Variants in IQSEC1 observed in about 807,000 individuals in gnomAD.
IQSEC1 encodes IQ motif and SEC7 domain-containing protein 1.
In IQSEC1, 31 loss-of-function variants were observed where a neutral mutation model predicts 91.0. The ratio of observed to expected loss-of-function variants is 0.34; its 90% CI spans 0.26 to 0.46. The LOEUF is 0.46. IQSEC1 is among the 20% of genes least tolerant of loss of function. IQSEC1 has a pLI of 1.00. For synonymous variants in IQSEC1, 699 were observed against 662.6 expected, an observed-to-expected ratio of 1.05 and a Z score of -0.84; for missense variants, 1,388 against 1,575.6, an observed-to-expected ratio of 0.88 and a Z score of 2.02.
At chr3:12,910,254 C>A (rs1385085668) in intron 10 of IQSEC1, among the ~76,000 whole-genome samples, 1 of 152,226 alleles carries the variant, frequency 6.6e-6, no homozygotes, top group African/African-American at 2.4e-5. Flanking sequence ...TTTGAGACCC[C>A]TGGAATGACG....
At chr3:13,274,323 A>G (rs759926686) in intron 1 of IQSEC1, among the ~76,000 whole-genome samples, 23 of 152,232 alleles carry the variant, frequency 1.5e-4, no homozygotes, top group Non-Finnish European at 2.6e-4. Context: ...TCGCAGGGCC[A>G]GCACTCCACA....
At chr3:13,052,724 T>C (rs1229149700) in intron 1 of IQSEC1, among the ~76,000 whole-genome samples, 1 of 152,102 alleles carries the variant, frequency 6.6e-6, no homozygotes, top group African/African-American at 2.4e-5. Context: ...TCCCTTTCTA[T>C]GTTAGCCATT....
intron 1 of IQSEC1, among the ~76,000 whole-genome samples, chr3:13,264,961 TCTGC>T (rs1031965527): frequency 4.6e-5 from 7 of 152,076 alleles, no homozygotes; most frequent in South Asian, 2.1e-4. Flanking sequence ...TGTCTGTCTG[TCTGC>T]CTCTCTTTCT....
chr3:12,999,168 G>A (rs1702329178), intron 1 of IQSEC1, among the ~76,000 whole-genome samples: 1 of 152,180 alleles, frequency 6.6e-6, no homozygotes, highest in African/African-American at 2.4e-5. Flanking sequence ...AGGAAGGCAG[G>A]TGTCCCTTCT....
intron 1 of IQSEC1, among the ~76,000 whole-genome samples, chr3:13,071,484 C>G (rs1705425413): frequency 6.6e-6 from 1 of 152,162 alleles, no homozygotes; most frequent in African/African-American, 2.4e-5. Flanking sequence ...TGGGCCCAGG[C>G]AAAGGTGTGG....
intron 2 of IQSEC1, among the ~76,000 whole-genome samples, chr3:13,098,369 G>C (rs1034389177): frequency 6.6e-6 from 1 of 152,194 alleles, no homozygotes; most frequent in Non-Finnish European, 1.5e-5. Context: ...TACCACAGAG[G>C]AGGCGCCATC....
At chr3:13,264,253 C>T (rs1695444478) in intron 1 of IQSEC1, among the ~76,000 whole-genome samples, 1 of 152,198 alleles carries the variant, frequency 6.6e-6, no homozygotes, top group South Asian at 2.1e-4. Flanking sequence ...TCACAACTTC[C>T]CTCCAAACTT....
intron 1 of IQSEC1, among the ~76,000 whole-genome samples, chr3:13,179,062 T>C (rs1479398925): frequency 6.6e-6 from 1 of 152,184 alleles, no homozygotes; most frequent in Non-Finnish European, 1.5e-5. Context: ...TTGTTACATT[T>C]CCTCCCTGCT....
At chr3:13,108,574 C>A (rs915160610) in intron 2 of IQSEC1, among the ~76,000 whole-genome samples, 5 of 152,088 alleles carry the variant, frequency 3.3e-5, no homozygotes, top group Admixed American at 1.3e-4. Context: ...TGACGAAACA[C>A]CCCCCTACAT....
At chr3:13,194,055 G>A (rs1289267156) in intron 1 of IQSEC1, among the ~76,000 whole-genome samples, 4 of 152,160 alleles carry the variant, frequency 2.6e-5, no homozygotes, top group African/African-American at 9.7e-5. Context: ...CCCTCTGTGT[G>A]TGTCTGTGAC....
At chr3:12,963,825 C>CACA (rs1464115944) in intron 1 of IQSEC1, among the ~76,000 whole-genome samples, 1 of 152,196 alleles carries the variant, frequency 6.6e-6, no homozygotes, top group African/African-American at 2.4e-5. Context: ...TTGTTGTGTG[C>CACA]ATAAAGGAAC....
chr3:13,063,669 G>C (rs1705143408), intron 1 of IQSEC1, among the ~76,000 whole-genome samples: 2 of 152,268 alleles, frequency 1.3e-5, no homozygotes, highest in African/African-American at 4.8e-5. Context: ...GCAGAGCAGG[G>C]TCTGAAACTC....
At chr3:13,204,411 A>G (rs546634956) in intron 1 of IQSEC1, among the ~76,000 whole-genome samples, 55 of 152,382 alleles carry the variant, frequency 3.6e-4, no homozygotes, top group Non-Finnish European at 6.5e-4. Context: ...GAGGTTCGCC[A>G]AGCCTCTTCA....
At chr3:13,102,440 G>A (rs980643409) in intron 2 of IQSEC1, among the ~76,000 whole-genome samples, 5 of 152,092 alleles carry the variant, frequency 3.3e-5, no homozygotes, top group African/African-American at 1.2e-4. Flanking sequence ...ATTAGAGGCT[G>A]GATTTCCTCA....
intron 1 of IQSEC1, among the ~76,000 whole-genome samples, chr3:12,965,875 G>A (rs1459950697): frequency 6.6e-6 from 1 of 152,192 alleles, no homozygotes; most frequent in Non-Finnish European, 1.5e-5. Flanking sequence ...CTAGACTGCT[G>A]GTTCCATGAG....
chr3:12,971,079 G>A (rs1251528123), intron 1 of IQSEC1, among the ~76,000 whole-genome samples: 2 of 152,220 alleles, frequency 1.3e-5, no homozygotes, highest in Non-Finnish European at 2.9e-5. Context: ...TCCATGCTAT[G>A]ATGATGAAGT....
intron 2 of IQSEC1, among the ~76,000 whole-genome samples, chr3:13,090,061 A>C (rs1705811499): frequency 1.5e-5 from 1 of 68,050 alleles, no homozygotes; most frequent in Non-Finnish European, 3.5e-5. Flanking sequence ...TAAAAAATAC[A>C]AAAAATATTA....
chr3:12,923,773 T>C (rs1696852573), intron 4 of IQSEC1, among the ~76,000 whole-genome samples: 1 of 152,220 alleles, frequency 6.6e-6, no homozygotes, highest in Non-Finnish European at 1.5e-5. Context: ...CCCGGGCACC[T>C]TCTCCCCAGC....
chr3:13,084,290 G>A (rs1705698341), intron 2 of IQSEC1, among the ~76,000 whole-genome samples: 1 of 151,662 alleles, frequency 6.6e-6, no homozygotes, highest in Non-Finnish European at 1.5e-5. Context: ...TACATAGGTG[G>A]TGTGGAGTCT....
Sources: allele counts gnomAD v4.1 joint callset (sites outside exome capture counted in the v4.1 genomes callset), GRCh38; gene constraint gnomAD v4.1.1; transcripts MANE v1.5; gene names NCBI Gene and HGNC (gene_info 2026-07-23, HGNC 2026-07-21).